The following SBF2 variants were observed in gnomAD, a reference collection of about 807,000 sequenced individuals.
SBF2 encodes myotubularin-related protein 13.
A neutral mutation model predicts 225.2 loss-of-function variants in SBF2; 112 were observed. The ratio of observed to expected loss-of-function variants is 0.50; its 90% CI spans 0.43 to 0.58. The LOEUF (loss-of-function observed/expected upper bound fraction) is 0.58, where lower values mean the gene tolerates loss of function less well. SBF2 is among the 20% of genes least tolerant of loss of function. The pLI, the probability that SBF2 is intolerant of heterozygous loss-of-function variation, is 0.00. For synonymous variants in SBF2, 763 were observed against 773.3 expected (o/e 0.99, Z 0.22); for missense variants, 1,996 against 2,206.2 (o/e 0.90, Z 1.91).
chr11:9,882,077 T>C (rs1049511541), intron 17 of SBF2, among the ~76,000 whole-genome samples: 12 of 152,224 alleles, frequency 7.9e-5, no homozygotes, highest in Admixed American at 7.2e-4. Context: ...ATGAGTCAAG[T>C]TGTTAAACAT....
intron 32 of SBF2, among the ~76,000 whole-genome samples, chr11:9,798,914 C>T (rs1048247482): frequency 2.1e-4 from 31 of 146,518 alleles, no homozygotes; most frequent in African/African-American, 7.3e-4. Flanking sequence ...ATCGCGCCAC[C>T]GCACTCCAGC....
At chr11:9,800,388 GTATTTATT>G (rs895623409) in intron 32 of SBF2, among the ~76,000 whole-genome samples, 1 of 151,918 alleles carries the variant, frequency 6.6e-6, no homozygotes, top group Admixed American at 6.6e-5. Context: ...TTTTTAAAAA[GTATTTATT>G]TATTTATTTA....
At chr11:9,950,885 CA>C (rs1865818129) in intron 16 of SBF2, among the ~76,000 whole-genome samples, 1 of 152,116 alleles carries the variant, frequency 6.6e-6, no homozygotes, top group African/African-American at 2.4e-5. Context: ...ATTAATTCAT[CA>C]AATTTTTAGT....
chr11:10,100,099 A>C (rs1422560829), intron 2 of SBF2, among the ~76,000 whole-genome samples: 5 of 152,256 alleles, frequency 3.3e-5, no homozygotes, highest in Admixed American at 6.5e-5. Flanking sequence ...TGCTGCCAAC[A>C]AAAGACTCAT....
intron 32 of SBF2, among the ~76,000 whole-genome samples, chr11:9,798,538 A>G (rs555657581): frequency 6.6e-6 from 1 of 152,238 alleles, no homozygotes; most frequent in African/African-American, 2.4e-5. Context: ...AGCCCTTGGG[A>G]TAAACCTTCA....
At chr11:9,845,455 A>G (rs779330636) in intron 24 of SBF2, 110 bp downstream of exon 24, 2 of 992,138 alleles carry the variant, frequency 2.0e-6, no homozygotes, top group Non-Finnish European at 3.2e-6. Context: ...ACAGAAACAG[A>G]ACAGTGAATG....
chr11:9,907,984 T>G (rs1862242852), intron 16 of SBF2, among the ~76,000 whole-genome samples: 1 of 152,216 alleles, frequency 6.6e-6, no homozygotes, highest in South Asian at 2.1e-4. Flanking sequence ...TGGATAGTCT[T>G]ACTCCAGTAT....
At chr11:10,136,057 T>C (rs1565271886) in intron 2 of SBF2, among the ~76,000 whole-genome samples, 1 of 152,110 alleles carries the variant, frequency 6.6e-6, no homozygotes, top group Non-Finnish European at 1.5e-5. Context: ...CTCACAATCA[T>C]GGCAGAAGGT....
At chr11:9,946,949 A>G (rs933804961) in intron 16 of SBF2, among the ~76,000 whole-genome samples, 2 of 152,258 alleles carry the variant, frequency 1.3e-5, no homozygotes, top group Non-Finnish European at 2.9e-5. Context: ...AATAAAGAGT[A>G]TTACTTAAGG....
chr11:9,844,557 A>C (rs565978829), intron 24 of SBF2, among the ~76,000 whole-genome samples: 25 of 152,374 alleles, frequency 1.6e-4, no homozygotes, highest in African/African-American at 5.8e-4. Context: ...ATAAGGGTTC[A>C]TACTAAAGAA....
intron 28 of SBF2, among the ~76,000 whole-genome samples, chr11:9,825,882 A>C (rs959535920): frequency 2.0e-5 from 3 of 152,234 alleles, no homozygotes; most frequent in African/African-American, 7.2e-5. Flanking sequence ...TTTAGTGGGA[A>C]GACTCATAAC....
intron 1 of SBF2, among the ~76,000 whole-genome samples, chr11:10,279,130 A>G (rs900511713): frequency 2.7e-5 from 4 of 148,856 alleles, no homozygotes; most frequent in East Asian, 4.0e-4. Context: ...AAAAAAAAAA[A>G]GCCAGGCGTG....
In SBF2 at chr11:10,287,559, A is replaced by C. The variant is rs1267646316; in HGVS notation, c.55+6456T>G. ...CCAAAGCATTGCCATTATAGATATG[A>C]GCCACAGCGGCCAGCCCTATATCTA... On this transcript the variant is annotated intron_variant, in intron 1 of 39. Transcript: ENST00000256190. 3.9e-5 allele frequency among the ~76,000 whole-genome samples: 6 copies of C among 152,184 alleles called. No individual in the cohort carries two copies. In the East Asian group the frequency reaches 1.2e-3, roughly 29 times the overall value.
intron 2 of SBF2, among the ~76,000 whole-genome samples, chr11:10,175,013 G>A (rs1009701794): frequency 2.4e-4 from 37 of 151,928 alleles, no homozygotes; most frequent in African/African-American, 6.0e-4. Flanking sequence ...TGAAGGAAGC[G>A]CTAAACATGG....
rs1327687678 is a variant in SBF2, at chr11:9,846,968, T to C, written c.2922A>G (p.Ser974=). ...CCTTTTTTAATACCTGAAAAGATGCTGATGTGATCTGCAGTCCTTCTTGCA... is the reference window on the plus strand; with the variant it reads ...CCTTTTTTAATACCTGAAAAGATGCCGATGTGATCTGCAGTCCTTCTTGCA... ...QNMQEGLQIT[S]ASFQLIKVAF... is the part of the protein sequence containing the mutation. The change falls in exon 23 of 40, where the codon TCA becomes TCG. Residue 974 remains serine (S), a synonymous_variant. Transcript: ENST00000256190. 1 of 1,613,824 alleles carries C rather than the reference T, an allele frequency of 6.2e-7. No individual in the cohort carries two copies. Among genetic ancestry groups the C allele is most frequent in the Non-Finnish European group, 8.5e-7 (1 of 1,179,728 alleles).
chr11:9,883,212 G>A (rs1859972522), intron 17 of SBF2, among the ~76,000 whole-genome samples: 1 of 151,890 alleles, frequency 6.6e-6, no homozygotes, highest in Non-Finnish European at 1.5e-5. Context: ...TCAAAGATCT[G>A]CATAATAATG....
At chr11:9,930,877 A>C in intron 16 of SBF2, among the ~76,000 whole-genome samples, 1 of 152,238 alleles carries the variant, frequency 6.6e-6, no homozygotes, top group Non-Finnish European at 1.5e-5. Context: ...GCACCTGGAA[A>C]AACGGGACAC....
At chr11:9,815,673 A>G (rs1854420538) in intron 29 of SBF2, among the ~76,000 whole-genome samples, 1 of 152,160 alleles carries the variant, frequency 6.6e-6, no homozygotes, top group East Asian at 1.9e-4. Context: ...GATCACGAGT[A>G]AGTGTTGTGC....
At chr11:10,030,942 C>A in intron 4 of SBF2, 106 bp downstream of exon 4, 1 of 985,664 alleles carries the variant, frequency 1.0e-6, no homozygotes, top group South Asian at 1.5e-5. Flanking sequence ...AGATGAATTC[C>A]TAAATCAATC....
Sources: gnomAD v4.1 joint callset for allele counts (sites outside exome capture counted in the v4.1 genomes callset) on GRCh38, gnomAD v4.1.1 for gene constraint, MANE v1.5 for transcripts, NCBI Gene and HGNC (gene_info 2026-07-23, HGNC 2026-07-21) for gene names.